The following SGCZ variants were observed in gnomAD, a reference collection of about 807,000 sequenced individuals.
SGCZ encodes the protein sarcoglycan zeta, also known as zeta-sarcoglycan.
A neutral mutation model predicts 41.3 loss-of-function variants in SGCZ; 40 were observed. That is an observed-to-expected ratio of 0.97 (90% CI 0.75 to 1.26). The LOEUF (loss-of-function observed/expected upper bound fraction) is 1.26, where lower values mean the gene tolerates loss of function less well. SGCZ is among the 50% of genes most tolerant of loss of function. SGCZ has a pLI of 0.00. For synonymous variants in SGCZ, 206 were observed against 137.5 expected, an observed-to-expected ratio of 1.50 and a Z score of -3.49; for missense variants, 552 against 369.8, an observed-to-expected ratio of 1.49 and a Z score of -4.04.
At chr8:14,128,558 C>T (rs1257034615) in intron 5 of SGCZ, among the ~76,000 whole-genome samples, 2 of 152,054 alleles carry the variant, frequency 1.3e-5, no homozygotes, top group Non-Finnish European at 2.9e-5. Context: ...TGGTATCTAC[C>T]TAAGGGAAAG....
intron 4 of SGCZ, among the ~76,000 whole-genome samples, chr8:14,234,335 T>C (rs138685153): frequency 3.2e-4 from 49 of 152,078 alleles, no homozygotes; most frequent in African/African-American, 9.6e-4. Flanking sequence ...GTGGAATTAG[T>C]AGGAAGCTAG....
chr8:15,090,932 A>G (rs1806134908), intron 1 of SGCZ, among the ~76,000 whole-genome samples: 1 of 152,216 alleles, frequency 6.6e-6, no homozygotes, highest in African/African-American at 2.4e-5. Context: ...TGAGGGTGAC[A>G]AGTGACCTGG....
intron 7 of SGCZ, among the ~76,000 whole-genome samples, chr8:14,093,251 TATCTGGCCTCCTGGTGGC>T (rs138600273): frequency 0.018 from 2,790 of 152,168 alleles, 88 homozygotes; most frequent in African/African-American, 0.064. Flanking sequence ...GATAGTCCCC[TATCTGGCCTCCTGGTGGC>T]CGATTTTTGT....
chr8:14,201,580 T>C (rs1805456576), intron 4 of SGCZ, among the ~76,000 whole-genome samples: 1 of 152,196 alleles, frequency 6.6e-6, no homozygotes, highest in Admixed American at 6.5e-5. Context: ...GATTTACGTA[T>C]TTCAGAACAG....
intron 1 of SGCZ, among the ~76,000 whole-genome samples, chr8:14,571,361 T>G (rs942728450): frequency 1.5e-4 from 23 of 152,262 alleles, no homozygotes; most frequent in Non-Finnish European, 1.3e-4. Flanking sequence ...TGCAAATGTA[T>G]TTGCATTAAT....
At chr8:14,864,137 C>CA (rs1803846604) in intron 1 of SGCZ, among the ~76,000 whole-genome samples, 2 of 152,068 alleles carry the variant, frequency 1.3e-5, no homozygotes, top group South Asian at 4.1e-4. Context: ...AGGGTAAGAA[C>CA]AAAACATCAT....
intron 1 of SGCZ, among the ~76,000 whole-genome samples, chr8:14,671,713 T>C (rs931899107): frequency 6.6e-6 from 1 of 152,118 alleles, no homozygotes; most frequent in African/African-American, 2.4e-5. Flanking sequence ...AAATTACTTA[T>C]AATAAATATT....
At chr8:14,096,143 G>A (rs1338963811) in intron 7 of SGCZ, among the ~76,000 whole-genome samples, 1 of 152,012 alleles carries the variant, frequency 6.6e-6, no homozygotes. Context: ...ATACTATGTT[G>A]AATGGGGTGG....
chr8:14,799,913 G>T (rs1585270687), intron 1 of SGCZ, among the ~76,000 whole-genome samples: 1 of 152,092 alleles, frequency 6.6e-6, no homozygotes, highest in African/African-American at 2.4e-5. Flanking sequence ...ACAAAAAGCA[G>T]TCTCTGCCTT....
At chr8:14,265,497 GCTT>G (rs1015106798) in intron 3 of SGCZ, among the ~76,000 whole-genome samples, 4 of 152,190 alleles carry the variant, frequency 2.6e-5, no homozygotes, top group African/African-American at 9.6e-5. Flanking sequence ...TGACGAATCT[GCTT>G]TTTTCAAAAT....
At chr8:15,164,639 G>GTTTTT (rs71211011) in intron 1 of SGCZ, among the ~76,000 whole-genome samples, 51 of 140,788 alleles carry the variant, frequency 3.6e-4, no homozygotes, top group Admixed American at 1.1e-3. Context: ...TTTTAAGCAA[G>GTTTTT]TTTTTTTTTT....
chr8:14,992,532 A>G (rs1802052894), intron 1 of SGCZ, among the ~76,000 whole-genome samples: 1 of 144,674 alleles, frequency 6.9e-6, no homozygotes, highest in South Asian at 2.2e-4. Flanking sequence ...TCAACTATTC[A>G]ACTCCAAAAC....
chr8:14,192,095 A>T (rs886341160), intron 4 of SGCZ, among the ~76,000 whole-genome samples: 1 of 152,082 alleles, frequency 6.6e-6, no homozygotes, highest in Non-Finnish European at 1.5e-5. Flanking sequence ...AAATCAAAGC[A>T]CATATATATA....
intron 5 of SGCZ, among the ~76,000 whole-genome samples, chr8:14,143,679 T>G (rs185240260): frequency 6.6e-6 from 1 of 152,240 alleles, no homozygotes; most frequent in East Asian, 1.9e-4. Flanking sequence ...CCAAAAATCA[T>G]ATGAGCACTC....
chr8:14,199,831 G>GA (rs1285909951), intron 4 of SGCZ, among the ~76,000 whole-genome samples: 5 of 152,092 alleles, frequency 3.3e-5, no homozygotes, highest in East Asian at 3.9e-4. Context: ...GACTGACAAT[G>GA]AAAAAAATGG....
intron 3 of SGCZ, among the ~76,000 whole-genome samples, chr8:14,319,815 C>T (rs1180679320): frequency 6.6e-6 from 1 of 151,948 alleles, no homozygotes; most frequent in Non-Finnish European, 1.5e-5. Context: ...TAATCATCTC[C>T]AATCACACTG....
At chr8:14,514,944 T>C (rs1315494269) in intron 2 of SGCZ, among the ~76,000 whole-genome samples, 2 of 151,858 alleles carry the variant, frequency 1.3e-5, no homozygotes, top group Non-Finnish European at 2.9e-5. Context: ...TAGTAGAATA[T>C]TTCAAGTGAA....
chr8:14,450,115 C>T (rs950586174), intron 2 of SGCZ, among the ~76,000 whole-genome samples: 2 of 152,046 alleles, frequency 1.3e-5, no homozygotes, highest in Non-Finnish European at 2.9e-5. Context: ...AAAAATCTGC[C>T]AATCCTTTTA....
chr8:15,095,478 A>G (rs1806312681), intron 1 of SGCZ, among the ~76,000 whole-genome samples: 1 of 152,178 alleles, frequency 6.6e-6, no homozygotes, highest in African/African-American at 2.4e-5. Context: ...ATAGGTTTTC[A>G]TTTGTATCTT....
Sources: gnomAD v4.1 joint callset for allele counts (sites outside exome capture counted in the v4.1 genomes callset) on GRCh38, gnomAD v4.1.1 for gene constraint, MANE v1.5 for transcripts, NCBI Gene and HGNC (gene_info 2026-07-23, HGNC 2026-07-21) for gene names.